Variants in DMD observed in about 807,000 individuals in gnomAD.
The protein encoded by DMD is dystrophin.
A neutral mutation model predicts 330.1 loss-of-function variants in DMD; 63 were observed. That is an observed-to-expected ratio of 0.19 (90% CI 0.16 to 0.24). The LOEUF is 0.24. Ranked by LOEUF, DMD falls within the 10% of genes least tolerant of loss-of-function variation. The probability of loss-of-function intolerance (pLI) is 1.00; values close to 1 mark genes in which losing one functional copy is unlikely to be tolerated. For missense variants in DMD, 3,344 were observed against 2,684.1 expected, an observed-to-expected ratio of 1.25 and a Z score of -5.43; for synonymous variants, 1,223 against 959.8, an observed-to-expected ratio of 1.27 and a Z score of -5.07.
At chrX:32,743,910 G>A (rs1380421781) in intron 7 of DMD, among the ~76,000 whole-genome samples, 2 of 111,061 alleles carry the variant, frequency 1.8e-5, no homozygotes, top group African/African-American at 6.5e-5. Context: ...GCCTCACACA[G>A]TTCCCTATAT....
intron 7 of DMD, among the ~76,000 whole-genome samples, chrX:32,761,298 T>C (rs771981898): frequency 9.0e-6 from 1 of 111,323 alleles, no homozygotes; most frequent in African/African-American, 3.3e-5. Flanking sequence ...TAGTGATAAA[T>C]CGGTGATGCT....
At chrX:32,092,313 T>C (rs780865045) in intron 44 of DMD, among the ~76,000 whole-genome samples, 31 of 111,649 alleles carry the variant, frequency 2.8e-4, no homozygotes, top group Non-Finnish European at 5.5e-4. Flanking sequence ...ATTACATTTG[T>C]CCACCCTGTG....
intron 47 of DMD, among the ~76,000 whole-genome samples, chrX:31,905,479 A>G (rs946912557): frequency 4.5e-5 from 5 of 111,587 alleles, no homozygotes; most frequent in Non-Finnish European, 9.4e-5. Context: ...AAACATATTA[A>G]AGATAAACCA....
intron 44 of DMD, among the ~76,000 whole-genome samples, chrX:32,184,041 A>AAAT (rs2096936974): frequency 1.8e-5 from 2 of 110,666 alleles, no homozygotes; most frequent in African/African-American, 6.5e-5. Context: ...AAATGACTGA[A>AAAT]AATAATATAA....
chrX:32,338,454 T>A (rs1029469638), intron 41 of DMD, among the ~76,000 whole-genome samples: 1 of 111,509 alleles, frequency 9.0e-6, no homozygotes, highest in African/African-American at 3.3e-5. Context: ...ATTTCCAGAC[T>A]TTGTTTTTTC....
intron 1 of DMD, among the ~76,000 whole-genome samples, chrX:33,233,144 G>A (rs1167616125): frequency 1.8e-5 from 2 of 111,663 alleles, no homozygotes; most frequent in Non-Finnish European, 3.8e-5. Context: ...TAATCACTCT[G>A]CATTGTAAGC....
rs1424237300 is a variant in DMD at position 31,119,404 on chromosome X, A to T, written c.*2515T>A. The T allele has an allele frequency of 8.9e-6, 1 of 112,582 alleles. No individual in the cohort carries two copies. Among genetic ancestry groups the T allele is most frequent in the Non-Finnish European group, 1.9e-5 (1 of 53,163 alleles). 9.3% of individuals were successfully genotyped at this position (112,582 alleles called of 1,213,427 possible). ...TAAAACACAATATATTATGATACTC[A>T]AGTAAGAACTCAGTACCTGAAAACA... On this transcript the variant is annotated 3_prime_UTR_variant, in exon 79 of 79. Transcript: ENST00000357033.
At chrX:32,564,032 G>A (rs1569210588) in intron 16 of DMD, among the ~76,000 whole-genome samples, 1 of 111,377 alleles carries the variant, frequency 9.0e-6, no homozygotes, top group African/African-American at 3.3e-5. Context: ...ACCTCAAGTA[G>A]ATCCCAGTGT....
chrX:32,813,098 G>A, intron 6 of DMD, among the ~76,000 whole-genome samples: 1 of 111,431 alleles, frequency 9.0e-6, no homozygotes, highest in Non-Finnish European at 1.9e-5. Context: ...TGAGTGTGTG[G>A]ATATCTTATC....
At chrX:32,774,292 G>T (rs747310913) in intron 7 of DMD, among the ~76,000 whole-genome samples, 5 of 111,868 alleles carry the variant, frequency 4.5e-5, no homozygotes, top group African/African-American at 1.6e-4. Context: ...GAAACAATTC[G>T]TAAGATGCAA....
At chrX:31,857,388 A>G (rs1401826214) in intron 48 of DMD, among the ~76,000 whole-genome samples, 11 of 56,764 alleles carry the variant, frequency 1.9e-4, no homozygotes, top group African/African-American at 4.8e-4. Flanking sequence ...CGGAAAAAAA[A>G]AAAAAAAAAA....
At chrX:32,512,523 A>C in intron 18 of DMD, among the ~76,000 whole-genome samples, 1 of 112,605 alleles carries the variant, frequency 8.9e-6, no homozygotes, top group Non-Finnish European at 1.9e-5. Flanking sequence ...GACACCAAAA[A>C]CAAAACACAC....
intron 41 of DMD, among the ~76,000 whole-genome samples, chrX:32,323,048 C>T (rs1002096576): frequency 8.9e-6 from 1 of 112,004 alleles, no homozygotes. Flanking sequence ...AACCAGTCAT[C>T]GATCGAACAC....
Position 31,622,720 on chromosome X carries a change from C to A in DMD, c.8217+4953G>T, listed in dbSNP as rs188652171. ...TGTTGTATAAGCCTTCTTTCCCTTACCCACCCCCCAAAAAAGAAAGAAAAT... is the reference window on the plus strand; with the variant it reads ...TGTTGTATAAGCCTTCTTTCCCTTAACCACCCCCCAAAAAAGAAAGAAAAT... On this transcript the variant is annotated intron_variant, in intron 55 of 78. Transcript: ENST00000357033. Among the ~76,000 whole-genome samples the A allele has an allele frequency of 2.2e-3, 240 of 108,336 alleles. 2 individuals are homozygous for A. Among genetic ancestry groups the A allele is most frequent in the African/African-American group, 7.4e-3 (221 of 29,866 alleles). 94.1% of individuals were successfully genotyped at this position (108,336 alleles called of 115,157 possible).
At chrX:32,633,104 G>T (rs1229755875) in intron 11 of DMD, among the ~76,000 whole-genome samples, 1 of 112,063 alleles carries the variant, frequency 8.9e-6, no homozygotes, top group African/African-American at 3.2e-5. Context: ...TTCTGCACAT[G>T]TATCTCAGAA....
At chrX:32,613,942 G>A (rs935401185) in intron 12 of DMD, among the ~76,000 whole-genome samples, 2 of 110,706 alleles carry the variant, frequency 1.8e-5, no homozygotes, top group Admixed American at 1.9e-4. Flanking sequence ...AGCATCTGGT[G>A]AGGGCCTTTT....
chrX:32,765,651 C>T (rs916356016), intron 7 of DMD, among the ~76,000 whole-genome samples: 5 of 111,128 alleles, frequency 4.5e-5, no homozygotes, highest in African/African-American at 1.0e-4. Flanking sequence ...TCTCCCATTC[C>T]GTAAGTTGCC....
chrX:32,287,963 C>T (rs2097449909), intron 42 of DMD, among the ~76,000 whole-genome samples: 1 of 110,760 alleles, frequency 9.0e-6, no homozygotes, highest in African/African-American at 3.3e-5. Flanking sequence ...ATCCTGACCT[C>T]TTCTGCTTTC....
At chrX:31,588,135 C>T (rs2076696893) in intron 55 of DMD, among the ~76,000 whole-genome samples, 2 of 111,817 alleles carry the variant, frequency 1.8e-5, no homozygotes, top group Non-Finnish European at 3.8e-5. Flanking sequence ...CCAGCGTTTA[C>T]TCTGTGTATT....
Sources: allele counts gnomAD v4.1 joint callset (sites outside exome capture counted in the v4.1 genomes callset), GRCh38; gene constraint gnomAD v4.1.1; transcripts MANE v1.5; gene names NCBI Gene and HGNC (gene_info 2026-07-23, HGNC 2026-07-21).